Variants in ALDH1L1 observed in about 807,000 individuals in gnomAD.
ALDH1L1 encodes cytosolic 10-formyltetrahydrofolate dehydrogenase.
A neutral mutation model predicts 101.1 loss-of-function variants in ALDH1L1; 68 were observed. The ratio of observed to expected loss-of-function variants is 0.67; its 90% confidence interval spans 0.55 to 0.82. The LOEUF (loss-of-function observed/expected upper bound fraction) is 0.82, where lower values mean the gene tolerates loss of function less well. Ranked by LOEUF, ALDH1L1 falls within the 40% of genes least tolerant of loss-of-function variation. ALDH1L1 has a pLI of 0.00. For missense variants in ALDH1L1, 1,087 were observed against 1,172.7 expected (o/e 0.93, Z 1.07); for synonymous variants, 486 against 470.8 (o/e 1.03, Z -0.42).
intron 20 of ALDH1L1, among the ~76,000 whole-genome samples, chr3:126,109,087 G>T (rs1458939366): frequency 6.6e-6 from 1 of 152,182 alleles, no homozygotes; most frequent in Non-Finnish European, 1.5e-5. Flanking sequence ...ACAGAATCAG[G>T]CCAATAATTT....
At chr3:126,184,108 A>G (rs1358670730), upstream of ALDH1L1, among the ~76,000 whole-genome samples, 1 of 152,236 alleles carries the variant, frequency 6.6e-6, no homozygotes, top group Non-Finnish European at 1.5e-5. Context: ...TTCCGAATCC[A>G]TCCTTTCATA....
At chr3:126,128,936 T>TGCCCAGCCCA (rs59650013) in intron 14 of ALDH1L1, 3 of 149,320 alleles carry the variant, frequency 2.0e-5, no homozygotes, top group African/African-American at 4.9e-5. Context: ...CGCCCTGCCC[T>TGCCCAGCCCA]GCCCAGCCCA....
chr3:126,151,042 T>C (rs1160708275), intron 7 of ALDH1L1: 1 of 152,782 alleles, frequency 6.5e-6, no homozygotes, highest in Non-Finnish European at 1.5e-5. Context: ...CAGAGGGAAT[T>C]GCAGAGCTTG....
chr3:126,132,442 C>T (rs1289803109), intron 12 of ALDH1L1, among the ~76,000 whole-genome samples: 2 of 152,208 alleles, frequency 1.3e-5, no homozygotes, highest in Non-Finnish European at 2.9e-5. Flanking sequence ...TGTGCCTGGC[C>T]AAGCAGCTCC....
chr3:126,164,737 G>A (rs557524395), intron 1 of ALDH1L1, among the ~76,000 whole-genome samples: 1 of 152,336 alleles, frequency 6.6e-6, no homozygotes, highest in South Asian at 2.1e-4. Context: ...TATATACCCA[G>A]TAATGGGATT....
intron 1 of ALDH1L1, among the ~76,000 whole-genome samples, chr3:126,179,557 C>G (rs529617639): frequency 6.6e-6 from 1 of 152,144 alleles, no homozygotes; most frequent in Non-Finnish European, 1.5e-5. Context: ...TAGGGCCAGG[C>G]GCGGGGCAGT....
chr3:126,139,372 A>G (rs377659549), intron 9 of ALDH1L1, among the ~76,000 whole-genome samples: 1 of 152,356 alleles, frequency 6.6e-6, no homozygotes, highest in African/African-American at 2.4e-5. Context: ...TGGAAAAGTC[A>G]CAAACAGACA....
intron 2 of ALDH1L1, among the ~76,000 whole-genome samples, chr3:126,159,997 T>G (rs1300556763): frequency 1.3e-5 from 2 of 152,122 alleles, no homozygotes; most frequent in Non-Finnish European, 2.9e-5. Flanking sequence ...ACAGTCTGTC[T>G]CCATCAGGCC....
chr3:126,193,998 A>G (rs1186000477), intron 1 of ALDH1L1, among the ~76,000 whole-genome samples: 2 of 152,300 alleles, frequency 1.3e-5, no homozygotes, highest in Non-Finnish European at 2.9e-5. Flanking sequence ...TCATCCTTTC[A>G]TGAGTCTCCT....
intron 9 of ALDH1L1, among the ~76,000 whole-genome samples, chr3:126,146,372 T>C (rs2080680903): frequency 6.6e-6 from 1 of 152,150 alleles, no homozygotes; most frequent in Non-Finnish European, 1.5e-5. Flanking sequence ...CGCCCTTATG[T>C]GAGCCCAGCT....
At chr3:126,161,067 C>A in intron 1 of ALDH1L1, 65 bp from the exon 2 acceptor site, 1 of 1,552,364 alleles carries the variant, frequency 6.4e-7, no homozygotes, top group South Asian at 1.2e-5. Context: ...AGCCCTGGTT[C>A]AAGACAGGGC....
intron 1 of ALDH1L1, among the ~76,000 whole-genome samples, chr3:126,168,482 G>T (rs1380342486): frequency 1.3e-5 from 2 of 151,880 alleles, no homozygotes; most frequent in South Asian, 2.1e-4. Flanking sequence ...TAATACAAAA[G>T]GCTAATAAAT....
At chr3:126,184,196 C>T (rs1008221754), upstream of ALDH1L1, among the ~76,000 whole-genome samples, 1 of 152,180 alleles carries the variant, frequency 6.6e-6, no homozygotes, top group Non-Finnish European at 1.5e-5. Context: ...CTATATGATA[C>T]TCTCTGAACG....
At position 126,179,100 on chromosome 3, in the gene ALDH1L1, G is replaced by T. The variant is rs376148795; in HGVS notation, c.-24+1376C>A. 2.3e-4 allele frequency among the ~76,000 whole-genome samples: 35 copies of T among 152,328 alleles called. No homozygotes were observed. The East Asian group carries it at 4.1e-3, about 18-fold the overall frequency. On this transcript the variant is annotated intron_variant, in intron 1 of 22. Coordinates refer to ENST00000393434, the MANE Select transcript of ALDH1L1 (RefSeq NM_012190.4). ...GGCTTGCCCTTTGGCCCCAGAAAGA[G>T]CAGGGGCCTGCAGTGAAGCCCATAG...
chr3:126,109,266 G>C (rs1945994759), intron 20 of ALDH1L1, among the ~76,000 whole-genome samples: 1 of 152,204 alleles, frequency 6.6e-6, no homozygotes, highest in Non-Finnish European at 1.5e-5. Flanking sequence ...AGCGTCAACG[G>C]TCCATCCCCG....
rs113940514 is a variant in ALDH1L1, at chr3:126,135,513, C to T, written c.1472+22G>A. On this transcript the variant is annotated intron_variant, in intron 12 of 22. Transcript: ENST00000393434. ...AGAAGCTGATGGTGGCAGTGGCTGG[C>T]AGGTACATGTTGGGCTCCCACCTGT... 1.2e-3 allele frequency: 1,963 copies of T among 1,598,334 alleles called. 30 individuals are homozygous for T. The African/African-American group carries it at 0.022, about 18-fold the overall frequency.
At chr3:126,161,722 T>G (rs2081056814) in intron 1 of ALDH1L1, among the ~76,000 whole-genome samples, 2 of 152,090 alleles carry the variant, frequency 1.3e-5, no homozygotes. Flanking sequence ...AATAAGATTT[T>G]ATTTTGGAAA....
intron 16 of ALDH1L1, among the ~76,000 whole-genome samples, chr3:126,123,183 A>T (rs13089568): frequency 2.0e-5 from 3 of 151,898 alleles, no homozygotes; most frequent in African/African-American, 7.3e-5. Flanking sequence ...AAAAACGATC[A>T]TGAAAGATAA....
Position 126,135,959 on chromosome 3 carries a change from A to AG in ALDH1L1, c.1345-298dup, listed in dbSNP as rs199507061. 4.2e-3 allele frequency among the ~76,000 whole-genome samples: 644 copies of AG among 152,160 alleles called. 8 individuals are homozygous for AG. Among genetic ancestry groups the AG allele is most frequent in the African/African-American group, 0.015 (608 of 41,520 alleles). On this transcript the variant is annotated intron_variant, in intron 11 of 22. Coordinates refer to ENST00000393434, the MANE Select transcript of ALDH1L1 (RefSeq NM_012190.4). ...ACCTTGGTGCCTGCTGGGTGTGGTG[A>AG]GGGGAGCCGGTGGGGTGTGGTGAGG...
Sources: allele counts gnomAD v4.1 joint callset (sites outside exome capture counted in the v4.1 genomes callset), GRCh38; gene constraint gnomAD v4.1.1; transcripts MANE v1.5; gene names NCBI Gene and HGNC (gene_info 2026-07-23, HGNC 2026-07-21).